The following TAFA5 variants were observed in gnomAD, a reference collection of about 807,000 sequenced individuals.
TAFA5 encodes the protein chemokine-like protein TAFA-5.
In TAFA5, 6 loss-of-function variants were observed where a neutral mutation model predicts 15.3. The ratio of observed to expected loss-of-function variants is 0.39; its 90% CI spans 0.21 to 0.77. The LOEUF (loss-of-function observed/expected upper bound fraction) is 0.77. TAFA5 is among the 30% of genes least tolerant of loss of function. TAFA5 has a pLI of 0.41. For missense variants in TAFA5, 161 were observed against 193.1 expected (o/e 0.83, Z 0.98); for synonymous variants, 103 against 80.7 (o/e 1.28, Z -1.48).
intron 2 of TAFA5, among the ~76,000 whole-genome samples, chr22:48,660,524 T>G (rs1927398979): frequency 6.6e-6 from 1 of 152,212 alleles, no homozygotes; most frequent in Admixed American, 6.5e-5. Flanking sequence ...TAGAGACAAT[T>G]CTTTCCAGCC....
chr22:48,604,517 G>A (rs984759980), intron 1 of TAFA5, among the ~76,000 whole-genome samples: 1 of 152,242 alleles, frequency 6.6e-6, no homozygotes, highest in African/African-American at 2.4e-5. Context: ...CCAGGCCCCT[G>A]TGGTGCTACA....
intron 1 of TAFA5, among the ~76,000 whole-genome samples, chr22:48,516,735 G>T (rs751383047): frequency 6.6e-6 from 1 of 152,176 alleles, no homozygotes; most frequent in African/African-American, 2.4e-5. Context: ...AGAAGCCACC[G>T]CCACGAAGGC....
chr22:48,541,921 C>G (rs991616148), intron 1 of TAFA5, among the ~76,000 whole-genome samples: 2 of 152,162 alleles, frequency 1.3e-5, no homozygotes, highest in African/African-American at 4.8e-5. Context: ...CCCAGGGGAT[C>G]GTGTGGGTGC....
At chr22:48,688,486 C>T (rs1184923055) in intron 2 of TAFA5, among the ~76,000 whole-genome samples, 4 of 152,212 alleles carry the variant, frequency 2.6e-5, no homozygotes, top group Non-Finnish European at 5.9e-5. Flanking sequence ...TGTCTTGTGT[C>T]AGCCTCATGC....
chr22:48,534,469 A>G (rs543479770), intron 1 of TAFA5, among the ~76,000 whole-genome samples: 2 of 151,938 alleles, frequency 1.3e-5, no homozygotes, highest in Admixed American at 1.3e-4. Flanking sequence ...GGCAGAGAGG[A>G]GGGGCCGTGT....
At chr22:48,602,739 C>G (rs992019645) in intron 1 of TAFA5, among the ~76,000 whole-genome samples, 20 of 152,174 alleles carry the variant, frequency 1.3e-4, no homozygotes, top group African/African-American at 4.8e-4. Context: ...CTTGAAGTGT[C>G]CGGGACCTGC....
intron 1 of TAFA5, among the ~76,000 whole-genome samples, chr22:48,611,135 A>G (rs1288155339): frequency 6.6e-6 from 1 of 152,124 alleles, no homozygotes; most frequent in Non-Finnish European, 1.5e-5. Context: ...GGGTTTCACC[A>G]TGTTGGCCAG....
intron 2 of TAFA5, among the ~76,000 whole-genome samples, chr22:48,694,044 C>T (rs920847071): frequency 6.6e-6 from 1 of 152,184 alleles, no homozygotes; most frequent in Non-Finnish European, 1.5e-5. Context: ...TCCCTGCCCA[C>T]AGGCCACGCG....
chr22:48,703,659 C>T (rs567562592), intron 2 of TAFA5, among the ~76,000 whole-genome samples: 5 of 152,370 alleles, frequency 3.3e-5, no homozygotes, highest in South Asian at 2.1e-4. Context: ...GTCCTTCTCC[C>T]GGGATTTCCC....
At chr22:48,578,155 C>CT (rs1923887625) in intron 1 of TAFA5, among the ~76,000 whole-genome samples, 1 of 152,176 alleles carries the variant, frequency 6.6e-6, no homozygotes, top group Non-Finnish European at 1.5e-5. Flanking sequence ...GATTGGCTTG[C>CT]GGAAAGGGCG....
chr22:48,564,073 G>A lies in TAFA5; in HGVS notation c.112+74369G>A, dbSNP rs192333548. On this transcript the variant is annotated intron_variant, in intron 1 of 3. Transcript: ENST00000402357. ...CCTGGCGTGCACATGATGTGTGCAG[G>A]AAGTGAGGACGTGGAGCGGGCGGGG... Among the ~76,000 whole-genome samples, 258 of 152,388 alleles carry A rather than the reference G, an allele frequency of 1.7e-3. 2 individuals carry two copies. The highest frequency in any genetic ancestry group is 5.9e-3 in the African/African-American group (244 of 41,596).
Position 48,560,304 on chromosome 22 carries a change from T to A in TAFA5, c.112+70600T>A, listed in dbSNP as rs1923185240. 6.6e-6 allele frequency among the ~76,000 whole-genome samples: 1 copy of A among 152,196 alleles called. No homozygotes were observed. The highest frequency in any genetic ancestry group is 1.5e-5 in the Non-Finnish European group (1 of 68,034). ...GCATTGGTGCACCCCGGCATTGGTG[T>A]GGCCACTGCACTGGTGTGGCCCTGG... On this transcript the variant is annotated intron_variant, in intron 1 of 3. Transcript: ENST00000402357. This position sits in a 1 kb window ranked among gnomAD's most constrained non-coding sequence, Gnocchi z 4.2.
At chr22:48,540,921 C>G (rs1388678464) in intron 1 of TAFA5, among the ~76,000 whole-genome samples, 3 of 151,744 alleles carry the variant, frequency 2.0e-5, no homozygotes, top group African/African-American at 7.3e-5. Context: ...TATTAGAAGC[C>G]GGCCAGGTAA....
At chr22:48,599,763 C>T (rs1412243514) in intron 1 of TAFA5, among the ~76,000 whole-genome samples, 2 of 152,222 alleles carry the variant, frequency 1.3e-5, no homozygotes, top group Non-Finnish European at 2.9e-5. Context: ...CCAGCACTGC[C>T]GATGTTTGAG....
chr22:48,707,568 A>G (rs130147), intron 2 of TAFA5, 149 bp from the exon 3 acceptor site: 595,085 of 840,780 alleles, frequency 0.71, 211,737 homozygotes, highest in Middle Eastern at 0.74. Flanking sequence ...CCCTGGGCCC[A>G]GTGTCCCTGT....
At chr22:48,692,037 CCAAT>C (rs1928559792) in intron 2 of TAFA5, among the ~76,000 whole-genome samples, 1 of 151,732 alleles carries the variant, frequency 6.6e-6, no homozygotes. Context: ...CTTCCTGTCC[CCAAT>C]CAGAGAGGCC....
At chr22:48,708,973 C>G (rs532554613) in intron 3 of TAFA5, among the ~76,000 whole-genome samples, 18 of 152,266 alleles carry the variant, frequency 1.2e-4, no homozygotes, top group Non-Finnish European at 2.5e-4. Flanking sequence ...CCCTGGGGTT[C>G]TAACGTAATT....
chr22:48,654,074 G>A (rs1379871388), intron 2 of TAFA5, among the ~76,000 whole-genome samples: 1 of 152,102 alleles, frequency 6.6e-6, no homozygotes, highest in Non-Finnish European at 1.5e-5. Context: ...TCGGCACGGT[G>A]GCTCTGCAGG....
chr22:48,718,533 C>T (rs1929473736), intron 3 of TAFA5, among the ~76,000 whole-genome samples: 2 of 152,088 alleles, frequency 1.3e-5, no homozygotes, highest in South Asian at 2.1e-4. Context: ...CTGCCCTGTC[C>T]GACCCCCATT....
Sources: allele counts gnomAD v4.1 joint callset (sites outside exome capture counted in the v4.1 genomes callset), GRCh38; gene constraint gnomAD v4.1.1; non-coding constraint Gnocchi (gnomAD v3.1); transcripts MANE v1.5; gene names NCBI Gene and HGNC (gene_info 2026-07-23, HGNC 2026-07-21).